Variants in NPAS3 observed in about 807,000 individuals in gnomAD.
NPAS3 encodes the protein neuronal PAS domain protein 3, also known as neuronal PAS domain-containing protein 3.
NPAS3 carries 14 observed loss-of-function variants against 73.1 expected under a neutral mutation model. That is an observed-to-expected ratio of 0.19 (90% CI 0.13 to 0.30). NPAS3 has a LOEUF of 0.30. NPAS3 is among the 10% of genes least tolerant of loss of function. The probability of loss-of-function intolerance (pLI) is 1.00; values close to 1 mark genes in which losing one functional copy is unlikely to be tolerated. For missense variants in NPAS3, 1,096 were observed against 1,250.0 expected (o/e 0.88, Z 1.86); for synonymous variants, 620 against 541.5 (o/e 1.14, Z -2.01).
chr14:32,944,559 CT>C (rs1029901175), intron 1 of NPAS3, among the ~76,000 whole-genome samples: 13 of 151,966 alleles, frequency 8.6e-5, no homozygotes, highest in Non-Finnish European at 1.3e-4. Flanking sequence ...AAATAGTGGC[CT>C]TTTTTCCCCC....
chr14:33,388,584 G>A (rs1175598436), intron 4 of NPAS3, among the ~76,000 whole-genome samples: 1 of 152,090 alleles, frequency 6.6e-6, no homozygotes, highest in Non-Finnish European at 1.5e-5. Context: ...GTTATATTAA[G>A]TTATATTAAG....
chr14:33,182,466 A>G (rs1230835799), intron 2 of NPAS3, among the ~76,000 whole-genome samples: 1 of 152,220 alleles, frequency 6.6e-6, no homozygotes, highest in Non-Finnish European at 1.5e-5. Flanking sequence ...AACCCCTAAA[A>G]CAAACTTAAA....
At chr14:33,214,459 A>G (rs1034736955) in intron 2 of NPAS3, 4 of 152,202 alleles carry the variant, frequency 2.6e-5, no homozygotes, top group Admixed American at 1.3e-4. Context: ...ATATTTTCCT[A>G]AAGTTTGACT....
At chr14:33,375,747 T>G (rs906597908) in intron 4 of NPAS3, among the ~76,000 whole-genome samples, 4 of 152,208 alleles carry the variant, frequency 2.6e-5, no homozygotes, top group Admixed American at 6.6e-5. Flanking sequence ...AGTTGAACAT[T>G]AACTCACAAT....
At chr14:33,384,607 TA>T (rs2046698585) in intron 4 of NPAS3, among the ~76,000 whole-genome samples, 1 of 152,156 alleles carries the variant, frequency 6.6e-6, no homozygotes, top group Non-Finnish European at 1.5e-5. Context: ...CACATGCCTG[TA>T]ATCCCAACTA....
intron 4 of NPAS3, among the ~76,000 whole-genome samples, chr14:33,469,291 T>G (rs1000045431): frequency 7.2e-6 from 1 of 138,234 alleles, no homozygotes; most frequent in African/African-American, 3.1e-5. Flanking sequence ...AAAGAGGAAG[T>G]TTTCTTTAAA....
chr14:33,616,650 C>T (rs918075458), intron 5 of NPAS3, among the ~76,000 whole-genome samples: 3 of 152,078 alleles, frequency 2.0e-5, no homozygotes, highest in Non-Finnish European at 4.4e-5. Context: ...TCACTCTCAG[C>T]GCAGAGGGGC....
chr14:33,537,686 A>G (rs968432903), intron 4 of NPAS3, among the ~76,000 whole-genome samples: 2 of 152,192 alleles, frequency 1.3e-5, no homozygotes, highest in African/African-American at 2.4e-5. Flanking sequence ...TAACTTCTCA[A>G]TTATACCCAA....
At chr14:33,680,939 T>C (rs1054157659) in intron 6 of NPAS3, 4 of 380,356 alleles carry the variant, frequency 1.1e-5, no homozygotes, top group African/African-American at 8.3e-5. Flanking sequence ...TAGTATGATT[T>C]TTATGCTATT....
chr14:33,157,348 A>AG (rs1422749709), intron 2 of NPAS3, among the ~76,000 whole-genome samples: 7 of 152,226 alleles, frequency 4.6e-5, no homozygotes, highest in African/African-American at 1.7e-4. Flanking sequence ...TTGTACCCAC[A>AG]GGGTTTTAGG....
At chr14:33,606,638 A>G (rs1284239628) in intron 5 of NPAS3, among the ~76,000 whole-genome samples, 2 of 152,208 alleles carry the variant, frequency 1.3e-5, no homozygotes, top group African/African-American at 4.8e-5. Context: ...AAAACTATAA[A>G]GCTTCTAGAA....
intron 5 of NPAS3, among the ~76,000 whole-genome samples, chr14:33,653,265 C>T (rs10150769): frequency 6.6e-6 from 1 of 151,986 alleles, no homozygotes; most frequent in Non-Finnish European, 1.5e-5. Flanking sequence ...AAAGCTGACT[C>T]TTGGGTTGTC....
At chr14:33,108,129 A>G (rs1212611364) in intron 2 of NPAS3, among the ~76,000 whole-genome samples, 1 of 152,138 alleles carries the variant, frequency 6.6e-6, no homozygotes, top group African/African-American at 2.4e-5. Context: ...TGTGCAAAAA[A>G]GCAAAAAAGT....
At chr14:33,070,633 C>T (rs1477699427) in intron 2 of NPAS3, among the ~76,000 whole-genome samples, 1 of 152,216 alleles carries the variant, frequency 6.6e-6, no homozygotes, top group African/African-American at 2.4e-5. Flanking sequence ...ACAGCACCAT[C>T]ACTCATGATC....
intron 4 of NPAS3, among the ~76,000 whole-genome samples, chr14:33,494,636 A>G (rs2052076773): frequency 6.6e-6 from 1 of 152,170 alleles, no homozygotes; most frequent in Non-Finnish European, 1.5e-5. Context: ...TTCAAAGGTC[A>G]GAAATATATT....
intron 7 of NPAS3, among the ~76,000 whole-genome samples, chr14:33,766,075 C>T (rs2062454008): frequency 6.6e-6 from 1 of 152,178 alleles, no homozygotes; most frequent in South Asian, 2.1e-4. Flanking sequence ...AATAGGTTTT[C>T]CCTCATGTGC....
chr14:33,164,798 C>T (rs1022334938), intron 2 of NPAS3, among the ~76,000 whole-genome samples: 2 of 151,506 alleles, frequency 1.3e-5, no homozygotes, highest in Admixed American at 1.3e-4. Context: ...GGTGCTGACT[C>T]TCAGAACCCC....
chr14:32,982,209 G>T (rs2037926054), intron 1 of NPAS3, among the ~76,000 whole-genome samples: 1 of 152,188 alleles, frequency 6.6e-6, no homozygotes, highest in Non-Finnish European at 1.5e-5. Flanking sequence ...GAGAGCTTGA[G>T]AGAAGAAGAG....
intron 5 of NPAS3, among the ~76,000 whole-genome samples, chr14:33,648,359 A>G (rs541632776): frequency 6.6e-6 from 1 of 152,362 alleles, no homozygotes; most frequent in East Asian, 1.9e-4. Flanking sequence ...ACACAAAAGT[A>G]TAGTCTTCCA....
Sources: allele counts gnomAD v4.1 joint callset (sites outside exome capture counted in the v4.1 genomes callset), GRCh38; gene constraint gnomAD v4.1.1; transcripts MANE v1.5; gene names NCBI Gene and HGNC (gene_info 2026-07-23, HGNC 2026-07-21).